The following TRPM2 variants were observed in gnomAD, a reference collection of about 807,000 sequenced individuals.
The protein encoded by TRPM2 is estrogen-responsive element-associated gene 1 protein.
A neutral mutation model predicts 174.0 loss-of-function variants in TRPM2; 161 were observed. That is an observed-to-expected ratio of 0.93 (90% CI 0.81 to 1.05). The LOEUF is 1.05. TRPM2 is among the 50% of genes least tolerant of loss of function. TRPM2 has a pLI of 0.00. For synonymous variants in TRPM2, 954 were observed against 861.3 expected (o/e 1.11, Z -1.88); for missense variants, 2,057 against 2,038.0 (o/e 1.01, Z -0.18).
At chr21:44,377,497 C>A (rs771128790) in intron 6 of TRPM2, among the ~76,000 whole-genome samples, 2 of 152,210 alleles carry the variant, frequency 1.3e-5, no homozygotes, top group Non-Finnish European at 2.9e-5. Flanking sequence ...TGACTTTAAA[C>A]GGCGACTCAG....
chr21:44,416,063 C>G (rs1164310884), intron 20 of TRPM2: 1 of 152,110 alleles, frequency 6.6e-6, no homozygotes, highest in African/African-American at 2.4e-5. Context: ...GACAGTGGAG[C>G]TGAGGAGCCC....
rs377447563 is a variant in TRPM2, at chr21:44,401,780, C to T, written c.2421C>T (p.Phe807=). 70 of 1,613,688 alleles carry T rather than the reference C, an allele frequency of 4.3e-5. No individual in the cohort carries two copies. The highest frequency in any genetic ancestry group is 1.6e-4 in the Middle Eastern group (1 of 6,084). ...VVFHLNILSY[F]AFLCLFAYVL... The stretch of plus-strand genomic sequence containing the variant: ...TCCACCTGAACATCCTCTCCTACTT[C>T]GCCTTCCTCTGCCTGTTCGCCTACG... The change falls in exon 16 of 32, where the codon TTC becomes TTT. Residue 807 remains phenylalanine (F), a synonymous_variant. Coordinates refer to ENST00000397928, the MANE Select transcript of TRPM2 (RefSeq NM_003307.4).
At chr21:44,355,382 C>T (rs377641233) in intron 2 of TRPM2, among the ~76,000 whole-genome samples, 17 of 152,356 alleles carry the variant, frequency 1.1e-4, no homozygotes, top group East Asian at 5.8e-4. Context: ...GTGCCCTCCC[C>T]GAGCAACACC....
intron 8 of TRPM2, among the ~76,000 whole-genome samples, chr21:44,381,371 G>A (rs2048873633): frequency 1.3e-5 from 2 of 151,962 alleles, no homozygotes; most frequent in African/African-American, 2.4e-5. Context: ...TACCTGCTAG[G>A]GATGCCATGA....
chr21:44,434,484 C>A (rs1001758961), intron 27 of TRPM2, among the ~76,000 whole-genome samples: 2 of 151,996 alleles, frequency 1.3e-5, no homozygotes, highest in Non-Finnish European at 2.9e-5. Context: ...GGATGCCGCC[C>A]CCACCGCACG....
Position 44,399,167 on chromosome 21 carries a change from C to T in TRPM2, c.2063-129C>T, listed in dbSNP as rs2049525874. The T allele has an allele frequency of 1.6e-6, 2 of 1,242,264 alleles. No individual in the cohort carries two copies. The highest frequency in any genetic ancestry group is 3.0e-5 in the African/African-American group (2 of 65,674). The allele number at this position is 1,242,264 out of a possible 1,614,324, so 77.0% of individuals were successfully genotyped here. A position where few individuals can be genotyped will look rare whatever the true frequency, so the allele number is the denominator to read the frequency against. On this transcript the variant is annotated intron_variant, in intron 13 of 31. Coordinates refer to ENST00000397928, the MANE Select transcript of TRPM2 (RefSeq NM_003307.4). The surrounding 1 kb of genome is among the most constrained non-coding windows in gnomAD (Gnocchi z 4.6). Reference sequence around the variant, plus strand: ...GGGCCTGGGTGTTTTGAGACACCAGCCCCACATTTGCCCTGTGCCCTTCCC... The same window carrying T: ...GGGCCTGGGTGTTTTGAGACACCAGTCCCACATTTGCCCTGTGCCCTTCCC...
At chr21:44,440,289 T>C (rs1601275553) in intron 30 of TRPM2, among the ~76,000 whole-genome samples, 1 of 14,222 alleles carries the variant, frequency 7.0e-5, no homozygotes, top group African/African-American at 4.4e-4. Flanking sequence ...TGAGCCGAGG[T>C]TGCACCACTG....
chr21:44,402,770 C>A (rs916528698), intron 16 of TRPM2, among the ~76,000 whole-genome samples: 3 of 152,196 alleles, frequency 2.0e-5, no homozygotes, highest in Non-Finnish European at 4.4e-5. Flanking sequence ...ACTGTGCCCC[C>A]ACGGTGCCTG....
chr21:44,427,735 A>G (rs1233438748), intron 27 of TRPM2, among the ~76,000 whole-genome samples: 1 of 152,098 alleles, frequency 6.6e-6, no homozygotes, highest in Non-Finnish European at 1.5e-5. Flanking sequence ...GGTCTGAAGG[A>G]CGGGGGGACT....
chr21:44,395,363 ACT>A (rs1164219226), intron 11 of TRPM2, 49 bp from the exon 12 acceptor site: 2 of 1,595,816 alleles, frequency 1.3e-6, no homozygotes, highest in African/African-American at 2.7e-5. Flanking sequence ...TCCGCCAGTG[ACT>A]CTGAGCCAGG....
In TRPM2 at chr21:44,366,732, C is replaced by T. The variant is rs45495901; in HGVS notation, c.424-22C>T. On this transcript the variant is annotated intron_variant, in intron 3 of 31. Transcript: ENST00000397928. The surrounding 1 kb of genome is among the most constrained non-coding windows in gnomAD (Gnocchi z 6.0). ...TGACCACTGACACACAGGTTCCCTCCGCCGTTTTCCCTTTCCCGCAGTACG... is the reference window on the plus strand; with the variant it reads ...TGACCACTGACACACAGGTTCCCTCTGCCGTTTTCCCTTTCCCGCAGTACG... 2.4e-4 allele frequency: 394 copies of T among 1,613,498 alleles called. 1 individual carries two copies. In the African/African-American group the frequency reaches 4.1e-3, roughly 17 times the overall value.
Position 44,399,191 on chromosome 21 carries a change from C to T in TRPM2, c.2063-105C>T. On this transcript the variant is annotated intron_variant, in intron 13 of 31. Transcript: ENST00000397928. This position sits in a 1 kb window ranked among gnomAD's most constrained non-coding sequence, Gnocchi z 4.6. ...GCCCCACATTTGCCCTGTGCCCTTC[C>T]CTGTGTCCTGGTGGTGCTGTCCCGA... is the stretch of plus-strand genomic sequence containing the variant. 7.0e-7 allele frequency: 1 copy of T among 1,436,884 alleles called. No homozygotes were observed. Among genetic ancestry groups the T allele is most frequent in the Non-Finnish European group, 9.3e-7 (1 of 1,073,272 alleles). 89.0% of individuals were successfully genotyped at this position (1,436,884 alleles called of 1,614,324 possible).
At chr21:44,403,847 CGT>C (rs547857386) in intron 16 of TRPM2, among the ~76,000 whole-genome samples, 6 of 150,922 alleles carry the variant, frequency 4.0e-5, no homozygotes, top group Admixed American at 1.3e-4. Context: ...ACACATTACA[CGT>C]GTGCATACAC....
rs1446448515 is a variant in TRPM2 at position 44,438,881 on chromosome 21, A to G, written c.4168-186A>G. 6.6e-6 allele frequency among the ~76,000 whole-genome samples: 1 copy of G among 152,156 alleles called. No individual in the cohort carries two copies. The highest frequency in any genetic ancestry group is 1.5e-5 in the Non-Finnish European group (1 of 68,000). ...CCCTGCTCGGGCCACGGCAGGCCTC[A>G]CAGATGCTGACGTGGACGGCGGGTT... On this transcript the variant is annotated intron_variant, in intron 29 of 31. Coordinates refer to ENST00000397928, the MANE Select transcript of TRPM2 (RefSeq NM_003307.4). The surrounding 1 kb of genome is among the most constrained non-coding windows in gnomAD (Gnocchi z 5.9).
chr21:44,380,105 G>A (rs980961033), intron 8 of TRPM2, among the ~76,000 whole-genome samples: 1 of 152,224 alleles, frequency 6.6e-6, no homozygotes, highest in Non-Finnish European at 1.5e-5. Flanking sequence ...GGAACCACGG[G>A]TGTCGGAAGG....
At chr21:44,350,337 TC>T (rs1341870381), upstream of TRPM2, 14 of 148,754 alleles carry the variant, frequency 9.4e-5, no homozygotes, top group Admixed American at 8.7e-4. Flanking sequence ...GAGGCGGCCG[TC>T]CCGGGAGCTT....
At chr21:44,412,388 T>C (rs2050136262) in intron 19 of TRPM2, among the ~76,000 whole-genome samples, 1 of 152,170 alleles carries the variant, frequency 6.6e-6, no homozygotes, top group Admixed American at 6.5e-5. Flanking sequence ...CATACAATTT[T>C]CTCTAGGATT....
chr21:44,401,274 A>T (rs1011665294), intron 15 of TRPM2, among the ~76,000 whole-genome samples: 2 of 152,078 alleles, frequency 1.3e-5, no homozygotes, highest in Non-Finnish European at 2.9e-5. Flanking sequence ...CGGCAAGGAA[A>T]GCCTGTCCCC....
chr21:44,355,800 G>C (rs2048042573), intron 2 of TRPM2, among the ~76,000 whole-genome samples: 1 of 151,594 alleles, frequency 6.6e-6, no homozygotes, highest in African/African-American at 2.4e-5. Flanking sequence ...CATCATCAGA[G>C]TTTCACGGTC....
Sources: allele counts gnomAD v4.1 joint callset (sites outside exome capture counted in the v4.1 genomes callset), GRCh38; gene constraint gnomAD v4.1.1; non-coding constraint Gnocchi (gnomAD v3.1); transcripts MANE v1.5; gene names NCBI Gene and HGNC (gene_info 2026-07-23, HGNC 2026-07-21).